TMEM232: variants seen among roughly 807,000 people sequenced by gnomAD.
TMEM232 encodes the protein transmembrane protein 232.
TMEM232 carries 80 observed loss-of-function variants against 78.8 expected under a neutral mutation model. That is an observed-to-expected ratio of 1.01 (90% CI 0.85 to 1.22). The LOEUF is 1.22. Among genes scored for constraint, TMEM232 ranks in the 50% most tolerant of loss-of-function variants. The pLI, the probability that TMEM232 is intolerant of heterozygous loss-of-function variation, is 0.00. For synonymous variants in TMEM232, 297 were observed against 254.3 expected (o/e 1.17, Z -1.60); for missense variants, 881 against 742.2 (o/e 1.19, Z -2.17).
chr5:110,479,642 T>C (rs1763647894), intron 12 of TMEM232, among the ~76,000 whole-genome samples: 1 of 151,902 alleles, frequency 6.6e-6, no homozygotes, highest in African/African-American at 2.4e-5. Context: ...TTACCACAAC[T>C]TACTTATTTT....
chr5:110,395,947 C>T (rs1345851314), intron 3 of TMEM232, among the ~76,000 whole-genome samples: 1 of 152,066 alleles, frequency 6.6e-6, no homozygotes, highest in Non-Finnish European at 1.5e-5. Flanking sequence ...GAAAAGAGGC[C>T]ACATCTGATA....
At chr5:110,414,590 G>A (rs1478941508), downstream of TMEM232, among the ~76,000 whole-genome samples, 1 of 152,170 alleles carries the variant, frequency 6.6e-6, no homozygotes, top group African/African-American at 2.4e-5. Flanking sequence ...TCCCTCTGCT[G>A]GTTTTCTTGT....
chr5:110,549,058 T>C (rs1035601775), intron 11 of TMEM232, among the ~76,000 whole-genome samples: 24 of 152,018 alleles, frequency 1.6e-4, no homozygotes, highest in African/African-American at 5.8e-4. Flanking sequence ...GAAAAGTTTT[T>C]GAACTAAATG....
chr5:110,678,681 C>T (rs1234520132), intron 1 of TMEM232, among the ~76,000 whole-genome samples: 1 of 151,662 alleles, frequency 6.6e-6, no homozygotes, highest in East Asian at 2.0e-4. Flanking sequence ...TATTCATCAG[C>T]CCCAGCACCC....
chr5:110,532,700 A>G lies in TMEM232; in HGVS notation c.1456-3865T>C, dbSNP rs376169776. ...CTTCCCAATCCAAAGCCTCCTTTGC[A>G]TCCTCCTCTTGTATCCCCCCACCTT... On this transcript the variant is annotated intron_variant, in intron 11 of 13. Transcript: ENST00000455884. 3.5e-4 allele frequency among the ~76,000 whole-genome samples: 53 copies of G among 152,060 alleles called. 1 individual carries two copies. In the South Asian group the frequency reaches 8.7e-3, roughly 25 times the overall value.
At chr5:110,646,987 G>A (rs760606692) in intron 2 of TMEM232, among the ~76,000 whole-genome samples, 4 of 150,554 alleles carry the variant, frequency 2.7e-5, no homozygotes, top group Non-Finnish European at 5.9e-5. Flanking sequence ...TAAATTATCA[G>A]AATTTAAAAA....
intron 11 of TMEM232, among the ~76,000 whole-genome samples, chr5:110,549,298 T>C (rs567757141): frequency 9.9e-5 from 15 of 151,770 alleles, no homozygotes; most frequent in Non-Finnish European, 1.5e-4. Context: ...AAACACAGTA[T>C]CAAGAGAATC....
At chr5:110,687,604 TGC>T (rs1368757151) in intron 1 of TMEM232, among the ~76,000 whole-genome samples, 4 of 152,142 alleles carry the variant, frequency 2.6e-5, no homozygotes, top group Non-Finnish European at 5.9e-5. Context: ...TTTGAGTATA[TGC>T]TTTATATTTA....
chr5:110,441,053 C>T (rs1758978980), intron 12 of TMEM232, among the ~76,000 whole-genome samples: 1 of 152,074 alleles, frequency 6.6e-6, no homozygotes, highest in Non-Finnish European at 1.5e-5. Flanking sequence ...TCAGTGGCTC[C>T]TAACTGCTTT....
chr5:110,709,186 A>G (rs765349656), intron 1 of TMEM232, among the ~76,000 whole-genome samples: 5 of 152,114 alleles, frequency 3.3e-5, no homozygotes, highest in Non-Finnish European at 5.9e-5. Flanking sequence ...ATGATATAAA[A>G]ATTGGAAATA....
chr5:110,647,480 G>A (rs530359929), intron 2 of TMEM232, among the ~76,000 whole-genome samples: 10 of 151,918 alleles, frequency 6.6e-5, no homozygotes, highest in South Asian at 4.1e-4. Flanking sequence ...GCAAAAATAC[G>A]TATGTTATTA....
At chr5:110,534,551 C>G (rs983463480) in intron 11 of TMEM232, among the ~76,000 whole-genome samples, 1 of 152,110 alleles carries the variant, frequency 6.6e-6, no homozygotes, top group South Asian at 2.1e-4. Flanking sequence ...AGACTGTGCC[C>G]CAAAAAAACT....
intron 5 of TMEM232, 26 bp from the exon 6 acceptor site, chr5:110,627,906 A>G (rs2149951155): frequency 7.1e-7 from 1 of 1,401,742 alleles, no homozygotes; most frequent in Non-Finnish European, 9.7e-7. Flanking sequence ...AGAAAAATAC[A>G]TTTTTGTGTT....
intron 11 of TMEM232, among the ~76,000 whole-genome samples, chr5:110,538,348 C>G (rs1474929871): frequency 6.6e-6 from 1 of 152,102 alleles, no homozygotes; most frequent in Non-Finnish European, 1.5e-5. Flanking sequence ...GTTTTTGATA[C>G]TGCTGTTATG....
intron 2 of TMEM232, among the ~76,000 whole-genome samples, chr5:110,659,378 C>A (rs1262882145): frequency 6.6e-6 from 1 of 152,022 alleles, no homozygotes; most frequent in Non-Finnish European, 1.5e-5. Context: ...CAGATTTATA[C>A]CCTAGACAAA....
At chr5:110,485,457 C>T (rs528226142) in intron 12 of TMEM232, among the ~76,000 whole-genome samples, 2 of 152,148 alleles carry the variant, frequency 1.3e-5, no homozygotes, top group Non-Finnish European at 2.9e-5. Flanking sequence ...ACCCACCACC[C>T]CCCTAACTCT....
At position 110,636,012 on chromosome 5, in the gene TMEM232, G is replaced by C. The variant is rs531237909; in HGVS notation, c.501+2186C>G. On this transcript the variant is annotated intron_variant, in intron 5 of 13. Coordinates refer to ENST00000455884, the MANE Select transcript of TMEM232 (RefSeq NM_001039763.4). ...ACAATAGTAAAGATATGGAATTAAC[G>C]TAAGTATCCATTAATGGGTGATTAG... is the stretch of plus-strand genomic sequence containing the variant. Among the ~76,000 whole-genome samples, 5 of 152,022 alleles carry C rather than the reference G, an allele frequency of 3.3e-5. No homozygotes were observed. In the South Asian group the frequency reaches 8.3e-4, roughly 25 times the overall value.
rs578145860 is a variant in TMEM232 at position 110,632,112 on chromosome 5, C to A, written c.502-4232G>T. 3.8e-4 allele frequency among the ~76,000 whole-genome samples: 57 copies of A among 151,994 alleles called. 1 individual carries two copies. The highest frequency in any genetic ancestry group is 2.9e-5 in the Non-Finnish European group (2 of 67,990). ...CTCCACTCTTAACCACACTCTAAAC[C>A]ACTGGGAAATCATAGATACCACTGA... On this transcript the variant is annotated intron_variant, in intron 5 of 13. Coordinates refer to ENST00000455884, the MANE Select transcript of TMEM232 (RefSeq NM_001039763.4).
At chr5:110,694,036 G>A (rs1239571457) in intron 1 of TMEM232, among the ~76,000 whole-genome samples, 2 of 152,044 alleles carry the variant, frequency 1.3e-5, no homozygotes, top group Admixed American at 6.6e-5. Flanking sequence ...AGGAAAAAAT[G>A]TTAAGCGCAA....
Sources: gnomAD v4.1 joint callset for allele counts (sites outside exome capture counted in the v4.1 genomes callset) on GRCh38, gnomAD v4.1.1 for gene constraint, MANE v1.5 for transcripts, NCBI Gene and HGNC (gene_info 2026-07-23, HGNC 2026-07-21) for gene names.